Variants in FHIT observed in about 807,000 individuals in gnomAD.
FHIT encodes the protein fragile histidine triad diadenosine triphosphatase, also known as bis(5'-adenosyl)-triphosphatase.
Under a neutral mutation model 17.9 loss-of-function variants are expected in FHIT, and 19 were observed. The observed-to-expected ratio is 1.06, with a 90% CI of 0.74 to 1.56. FHIT has a LOEUF of 1.56. Ranked by LOEUF, FHIT falls within the 40% of genes most tolerant of loss-of-function variation. The pLI is 0.00. For synonymous variants in FHIT, 81 were observed against 69.7 expected (o/e 1.16, Z -0.81); for missense variants, 248 against 189.2 (o/e 1.31, Z -1.82).
intron 3 of FHIT, among the ~76,000 whole-genome samples, chr3:60,959,770 A>G (rs1390343058): frequency 6.7e-6 from 1 of 148,396 alleles, no homozygotes; most frequent in Non-Finnish European, 1.5e-5. Flanking sequence ...AAACCAGGTG[A>G]GCAAGATGGG....
chr3:60,280,031 C>CAAA (rs34574670), intron 5 of FHIT, among the ~76,000 whole-genome samples: 67 of 117,422 alleles, frequency 5.7e-4, no homozygotes, highest in African/African-American at 2.1e-3. Flanking sequence ...GACTCTGTCT[C>CAAA]AAAAAAAAAA....
chr3:60,673,031 T>C (rs544759766), intron 4 of FHIT, among the ~76,000 whole-genome samples: 1 of 152,280 alleles, frequency 6.6e-6, no homozygotes, highest in South Asian at 2.1e-4. Context: ...TCCATTATGC[T>C]GTCACATGTT....
At chr3:60,910,743 T>C (rs1349966637) in intron 3 of FHIT, among the ~76,000 whole-genome samples, 1 of 152,046 alleles carries the variant, frequency 6.6e-6, no homozygotes, top group Non-Finnish European at 1.5e-5. Context: ...GTTCATATGG[T>C]CATTTATAAT....
intron 1 of FHIT, among the ~76,000 whole-genome samples, chr3:61,220,210 A>G (rs1179234026): frequency 3.3e-5 from 5 of 152,210 alleles, no homozygotes; most frequent in African/African-American, 1.2e-4. Flanking sequence ...CATTCTTTCA[A>G]ATGATAGCCA....
chr3:60,988,590 G>A (rs2029880550), intron 3 of FHIT, among the ~76,000 whole-genome samples: 1 of 152,164 alleles, frequency 6.6e-6, no homozygotes, highest in Non-Finnish European at 1.5e-5. Flanking sequence ...AATGAGAGCT[G>A]ACGAGCAGCA....
At chr3:60,996,044 T>C (rs140104547) in intron 3 of FHIT, among the ~76,000 whole-genome samples, 4 of 152,072 alleles carry the variant, frequency 2.6e-5, no homozygotes, top group Non-Finnish European at 5.9e-5. Flanking sequence ...TTTGGTTTTA[T>C]TTAAGGCATA....
At chr3:61,224,028 C>T (rs1395487284) in intron 1 of FHIT, among the ~76,000 whole-genome samples, 2 of 152,132 alleles carry the variant, frequency 1.3e-5, no homozygotes, top group Non-Finnish European at 2.9e-5. Context: ...TATGTATTTA[C>T]CCAAGCCCAT....
intron 8 of FHIT, among the ~76,000 whole-genome samples, chr3:59,817,572 A>AG (rs1471850842): frequency 6.6e-6 from 1 of 151,300 alleles, no homozygotes; most frequent in Non-Finnish European, 1.5e-5. Context: ...TAAAAAAAAA[A>AG]AAAAAAAAGA....
chr3:60,310,752 A>C (rs1319799212), intron 5 of FHIT, among the ~76,000 whole-genome samples: 2 of 152,178 alleles, frequency 1.3e-5, no homozygotes, highest in African/African-American at 4.8e-5. Context: ...TTTGTAATTG[A>C]AATTATTTTG....
At chr3:61,187,829 CT>C in intron 2 of FHIT, among the ~76,000 whole-genome samples, 1 of 152,326 alleles carries the variant, frequency 6.6e-6, no homozygotes, top group South Asian at 2.1e-4. Context: ...TCCTGAGTGA[CT>C]ACTGAGTACA....
chr3:61,053,656 C>A (rs540479446), intron 2 of FHIT, among the ~76,000 whole-genome samples: 1 of 114,312 alleles, frequency 8.7e-6, no homozygotes, highest in South Asian at 3.2e-4. Flanking sequence ...AGCAAAACTC[C>A]GTCTCAAGAA....
At chr3:60,763,044 T>G (rs907221292) in intron 4 of FHIT, among the ~76,000 whole-genome samples, 1 of 152,146 alleles carries the variant, frequency 6.6e-6, no homozygotes, top group Non-Finnish European at 1.5e-5. Context: ...TGCAATTCTC[T>G]CTGACACATC....
At chr3:60,792,068 T>G (rs978223473) in intron 4 of FHIT, among the ~76,000 whole-genome samples, 8 of 152,206 alleles carry the variant, frequency 5.3e-5, no homozygotes, top group Non-Finnish European at 1.0e-4. Context: ...CCAGAGGATC[T>G]GGCAACCTCT....
At chr3:60,354,940 C>A (rs2106960442) in intron 5 of FHIT, among the ~76,000 whole-genome samples, 1 of 152,254 alleles carries the variant, frequency 6.6e-6, no homozygotes, top group South Asian at 2.1e-4. Flanking sequence ...ACTACTTATC[C>A]TTAAACATTT....
chr3:60,672,321 G>A (rs1553694135), intron 4 of FHIT, among the ~76,000 whole-genome samples: 1 of 150,964 alleles, frequency 6.6e-6, no homozygotes, highest in African/African-American at 2.5e-5. Context: ...GGGAGATAAG[G>A]GTGGGGCCAT....
At chr3:60,637,148 GA>G (rs548346544) in intron 4 of FHIT, among the ~76,000 whole-genome samples, 3 of 151,010 alleles carry the variant, frequency 2.0e-5, no homozygotes, top group South Asian at 2.1e-4. Flanking sequence ...GGTGCTTAGA[GA>G]AAAAAAAAGA....
At chr3:60,930,867 A>G (rs1408204569) in intron 3 of FHIT, among the ~76,000 whole-genome samples, 8 of 152,216 alleles carry the variant, frequency 5.3e-5, no homozygotes, top group Non-Finnish European at 5.9e-5. Flanking sequence ...ATTACTGGGT[A>G]TATACCCAAA....
intron 4 of FHIT, among the ~76,000 whole-genome samples, chr3:60,583,703 T>C (rs1189674922): frequency 6.6e-6 from 1 of 152,054 alleles, no homozygotes; most frequent in Non-Finnish European, 1.5e-5. Context: ...AGGTGGTAAT[T>C]TGCCAATCCC....
intron 3 of FHIT, among the ~76,000 whole-genome samples, chr3:60,827,407 C>T (rs1254936914): frequency 2.6e-5 from 4 of 152,144 alleles, no homozygotes; most frequent in Admixed American, 6.5e-5. Context: ...TCCTTTTGTA[C>T]GTGTCATCCT....
Sources: allele counts gnomAD v4.1 joint callset (sites outside exome capture counted in the v4.1 genomes callset), GRCh38; gene constraint gnomAD v4.1.1; transcripts MANE v1.5; gene names NCBI Gene and HGNC (gene_info 2026-07-23, HGNC 2026-07-21).